MAPKAP1: variants seen among roughly 807,000 people sequenced by gnomAD.
MAPKAP1 encodes target of rapamycin complex 2 subunit MAPKAP1.
A neutral mutation model predicts 65.7 loss-of-function variants in MAPKAP1; 20 were observed. The observed-to-expected ratio is 0.30, with a 90% CI of 0.21 to 0.44. The LOEUF is 0.44. Among genes scored for constraint, MAPKAP1 ranks in the 20% least tolerant of loss-of-function variants. The pLI, the probability that MAPKAP1 is intolerant of heterozygous loss-of-function variation, is 1.00. For synonymous variants in MAPKAP1, 222 were observed against 244.3 expected (o/e 0.91, Z 0.85); for missense variants, 423 against 648.0 (o/e 0.65, Z 3.77).
At chr9:125,672,182 T>C in intron 2 of MAPKAP1, 134 bp downstream of exon 2, 1 of 917,592 alleles carries the variant, frequency 1.1e-6, no homozygotes, top group Non-Finnish European at 1.6e-6. Flanking sequence ...GACTCACTCT[T>C]AGTCTGACAT....
At chr9:125,698,305 ATATATATATAT>A (rs1564622461) in intron 1 of MAPKAP1, among the ~76,000 whole-genome samples, 9 of 30,178 alleles carry the variant, frequency 3.0e-4, no homozygotes, top group South Asian at 2.2e-3. Flanking sequence ...ATATATATAT[ATATATATATAT>A]ATATATATAT....
intron 7 of MAPKAP1, among the ~76,000 whole-genome samples, chr9:125,507,973 C>A (rs1311117894): frequency 6.6e-6 from 1 of 152,034 alleles, no homozygotes. Flanking sequence ...AGTTCGAGAC[C>A]AGCCTGGGCC....
At chr9:125,575,900 T>A (rs893568482) in intron 5 of MAPKAP1, among the ~76,000 whole-genome samples, 8 of 152,226 alleles carry the variant, frequency 5.3e-5, no homozygotes, top group African/African-American at 1.9e-4. Context: ...ACATGAATAC[T>A]TACAGTGCCT....
intron 4 of MAPKAP1, among the ~76,000 whole-genome samples, chr9:125,607,741 C>T (rs1456164922): frequency 2.6e-5 from 4 of 152,114 alleles, no homozygotes; most frequent in Admixed American, 6.5e-5. Context: ...CTGCAACCTC[C>T]GCCTCCCGGG....
chr9:125,534,587 T>C (rs960321922), intron 7 of MAPKAP1, among the ~76,000 whole-genome samples: 1 of 152,244 alleles, frequency 6.6e-6, no homozygotes, highest in South Asian at 2.1e-4. Context: ...AGCCTCTGCA[T>C]TGGTGTCTCT....
intron 4 of MAPKAP1, among the ~76,000 whole-genome samples, chr9:125,593,935 C>T (rs779108179): frequency 1.1e-4 from 17 of 152,172 alleles, no homozygotes; most frequent in Non-Finnish European, 2.2e-4. Flanking sequence ...CACCAATTTT[C>T]TTCTTCACTG....
intron 10 of MAPKAP1, among the ~76,000 whole-genome samples, chr9:125,466,167 G>A (rs1853665299): frequency 6.6e-6 from 1 of 152,168 alleles, no homozygotes; most frequent in East Asian, 1.9e-4. Flanking sequence ...ATAGCCTGAG[G>A]CCAGGAACTC....
intron 4 of MAPKAP1, among the ~76,000 whole-genome samples, chr9:125,618,341 C>CAAAAAAAAAAAAAAAAAAAAAAA (rs60166871): frequency 6.4e-5 from 2 of 31,192 alleles, no homozygotes; most frequent in African/African-American, 1.4e-4. Context: ...GGCTCCGTCT[C>CAAAAAAAAAAAAAAAAAAAAAAA]AAAAAAAAAA....
In MAPKAP1 at chr9:125,693,425, AAAT is replaced by A. The variant is rs1185306013; in HGVS notation, c.-70+13543_-70+13545del. On this transcript the variant is annotated intron_variant, in intron 1 of 11. Transcript: ENST00000265960. ...GCGAAATTCCGCCTCAAAAAAAAAAAAATATATATATATATATACACACACACA... is the reference window on the plus strand; with the variant it reads ...GCGAAATTCCGCCTCAAAAAAAAAAAATATATATATATATACACACACACA... Among the ~76,000 whole-genome samples the A allele has an allele frequency of 4.8e-4, 63 of 131,236 alleles. 2 individuals carry two copies. Among genetic ancestry groups the A allele is most frequent in the Admixed American group, 2.4e-3 (33 of 13,532 alleles). The allele number at this position is 131,236 out of a possible 152,430, so 86.1% of individuals were successfully genotyped here.
chr9:125,474,651 C>T (rs1233689031), intron 9 of MAPKAP1, among the ~76,000 whole-genome samples: 1 of 152,178 alleles, frequency 6.6e-6, no homozygotes, highest in Admixed American at 6.5e-5. Context: ...TTGGGAGGTA[C>T]AACCTCCCCT....
chr9:125,517,395 G>C (rs1177518489), intron 7 of MAPKAP1, among the ~76,000 whole-genome samples: 1 of 151,988 alleles, frequency 6.6e-6, no homozygotes, highest in Admixed American at 6.6e-5. Flanking sequence ...GGTTGGGGTG[G>C]GGGTTCTTTT....
At chr9:125,670,408 T>C (rs1834462039) in intron 2 of MAPKAP1, among the ~76,000 whole-genome samples, 1 of 152,218 alleles carries the variant, frequency 6.6e-6, no homozygotes, top group African/African-American at 2.4e-5. Flanking sequence ...ATGTCAAAGC[T>C]ATATAAATTA....
intron 1 of MAPKAP1, among the ~76,000 whole-genome samples, chr9:125,681,906 A>T (rs1834833365): frequency 6.6e-6 from 1 of 152,078 alleles, no homozygotes; most frequent in African/African-American, 2.4e-5. Flanking sequence ...ACTGCAGGCA[A>T]GCACCACCAC....
intron 4 of MAPKAP1, among the ~76,000 whole-genome samples, chr9:125,620,046 C>T (rs1387676349): frequency 2.6e-5 from 4 of 152,342 alleles, no homozygotes; most frequent in Admixed American, 6.5e-5. Context: ...CAACGGCTCA[C>T]GCCTGTAATC....
chr9:125,569,648 T>C (rs1442905774), intron 5 of MAPKAP1, among the ~76,000 whole-genome samples: 1 of 152,166 alleles, frequency 6.6e-6, no homozygotes, highest in African/African-American at 2.4e-5. Context: ...ACAGCCTCCT[T>C]GGGAAAAACA....
At chr9:125,611,241 AGC>A (rs1832591942) in intron 4 of MAPKAP1, among the ~76,000 whole-genome samples, 2 of 152,234 alleles carry the variant, frequency 1.3e-5, no homozygotes, top group Non-Finnish European at 2.9e-5. Context: ...TAAATTACCA[AGC>A]AGATTTTTAC....
At position 125,438,094 on chromosome 9, in the gene MAPKAP1, A is replaced by G; in HGVS notation, c.*793T>C. 2.9e-6 allele frequency: 1 copy of G among 347,272 alleles called. No homozygotes were observed. The highest frequency in any genetic ancestry group is 5.1e-6 in the Non-Finnish European group (1 of 194,178). 21.5% of individuals were successfully genotyped at this position (347,272 alleles called of 1,614,324 possible). ...GAAACCTACACTTGCTACTTAAGAA[A>G]CGGAAAGACCATGTCTGGCTGGGAG... On this transcript the variant is annotated 3_prime_UTR_variant, in exon 12 of 12. Coordinates refer to ENST00000265960, the MANE Select transcript of MAPKAP1 (RefSeq NM_001006617.3).
chr9:125,577,780 G>C (rs1188827740), intron 5 of MAPKAP1, among the ~76,000 whole-genome samples: 6 of 147,226 alleles, frequency 4.1e-5, no homozygotes, highest in Admixed American at 2.7e-4. Flanking sequence ...CCCTCTGCCG[G>C]GCCAGCCGCC....
At chr9:125,674,048 A>G (rs1240664450) in intron 1 of MAPKAP1, among the ~76,000 whole-genome samples, 1 of 152,158 alleles carries the variant, frequency 6.6e-6, no homozygotes, top group Non-Finnish European at 1.5e-5. Context: ...CAAAGAAAAT[A>G]TTGCAGGACA....
Sources: gnomAD v4.1 joint callset for allele counts (sites outside exome capture counted in the v4.1 genomes callset) on GRCh38, gnomAD v4.1.1 for gene constraint, MANE v1.5 for transcripts, NCBI Gene and HGNC (gene_info 2026-07-23, HGNC 2026-07-21) for gene names.